The following SATL1 variants were observed in gnomAD, a reference collection of about 807,000 sequenced individuals.
SATL1 encodes spermidine/spermine N(1)-acetyltransferase-like protein 1.
Under a neutral mutation model 51.8 loss-of-function variants are expected in SATL1, and 47 were observed. That is an observed-to-expected ratio of 0.91 (90% CI 0.72 to 1.16). The LOEUF (loss-of-function observed/expected upper bound fraction) is 1.16. Among genes scored for constraint, SATL1 ranks in the 50% most tolerant of loss-of-function variants. SATL1 has a pLI of 0.00. For synonymous variants in SATL1, 176 were observed against 182.4 expected (o/e 0.97, Z 0.28); for missense variants, 520 against 526.4 (o/e 0.99, Z 0.12).
At chrX:85,210,126 C>T (rs1439606618) in intron 2 of SATL1, 3 of 105,993 alleles carry the variant, frequency 2.8e-5, no homozygotes, top group African/African-American at 1.0e-4. Context: ...TCCAGAGAAA[C>T]CTGCCTTCAC....
chrX:85,171,501 A>G (rs1190396244), intron 2 of SATL1, among the ~76,000 whole-genome samples: 1 of 111,713 alleles, frequency 9.0e-6, no homozygotes, highest in Non-Finnish European at 1.9e-5. Flanking sequence ...TCAAATTATG[A>G]TAAGAAAATC....
At chrX:85,135,899 A>G (rs1395231372) in intron 2 of SATL1, among the ~76,000 whole-genome samples, 1 of 110,256 alleles carries the variant, frequency 9.1e-6, no homozygotes, top group East Asian at 2.8e-4. Flanking sequence ...AAATCTAATG[A>G]AAAAAGGAAA....
chrX:85,123,253 A>G (rs1925545918), intron 2 of SATL1, among the ~76,000 whole-genome samples: 1 of 111,759 alleles, frequency 8.9e-6, no homozygotes, highest in African/African-American at 3.2e-5. Context: ...TGCTTTCTAC[A>G]GTGGCTAAGC....
intron 2 of SATL1, among the ~76,000 whole-genome samples, chrX:85,168,476 A>ACCAAAAACGGTCAAGCTGAGAG (rs1926895598): frequency 9.0e-6 from 1 of 111,489 alleles, no homozygotes; most frequent in Admixed American, 9.6e-5. Flanking sequence ...ATTCCTATAC[A>ACCAAAAACGGTCAAGCTGAGAG]CCAAAAACGG....
At position 85,096,641 on chromosome X, in the gene SATL1, G is replaced by A. The variant is rs184032979; in HGVS notation, c.1694-1645C>T. ...AACCAAAGACACAGAATCTTACACA[G>A]CAAGAGAAGCAATTTGTCATATATG... On this transcript the variant is annotated intron_variant, in intron 4 of 7. Coordinates refer to ENST00000644105, the MANE Select transcript of SATL1 (RefSeq NM_001367857.2). Among the ~76,000 whole-genome samples, 26 of 111,058 alleles carry A rather than the reference G, an allele frequency of 2.3e-4. No individual in the cohort carries two copies. In the East Asian group the frequency reaches 5.9e-3, roughly 25 times the overall value.
At position 85,107,466 on chromosome X, in the gene SATL1, C is replaced by T; in HGVS notation, c.1503G>A (p.Leu501=). Residue 501 remains leucine (L), a synonymous_variant, in exon 3 of 8, where the codon CTG becomes CTA. Transcript: ENST00000644105. ...CTGGTTGACTCAGGCCTGGTTGGCT[C>T]AGCACTAATTGGTTCAGGTCTTGTT... ...LSQQDLNQLV[L]SQPGLSQPGR... 1 of 1,212,225 alleles carries T rather than the reference C, an allele frequency of 8.2e-7. No homozygotes were observed. The highest frequency in any genetic ancestry group is 3.0e-5 in the East Asian group (1 of 33,849).
intron 2 of SATL1, among the ~76,000 whole-genome samples, chrX:85,151,604 G>A (rs773889002): frequency 4.3e-4 from 48 of 111,275 alleles, no homozygotes; most frequent in African/African-American, 9.2e-4. Context: ...GCATGGTACC[G>A]GTACCAAAAC....
At chrX:85,146,659 T>C (rs1307943501) in intron 2 of SATL1, among the ~76,000 whole-genome samples, 2 of 112,137 alleles carry the variant, frequency 1.8e-5, no homozygotes, top group Admixed American at 9.4e-5. Context: ...TAGGAGTACC[T>C]TACTTAGGAT....
chrX:85,209,922 T>C (rs901488592), intron 2 of SATL1: 7 of 110,241 alleles, frequency 6.3e-5, no homozygotes, highest in Non-Finnish European at 1.9e-5. Flanking sequence ...TTAATTGTAA[T>C]GTCAGGGTGT....
chrX:85,214,801 A>G (rs73627332), intron 2 of SATL1, among the ~76,000 whole-genome samples: 2,145 of 111,866 alleles, frequency 0.019, 48 homozygotes, highest in African/African-American at 0.066. Flanking sequence ...AAAACCCAGC[A>G]GAGCAGACAT....
Position 85,130,360 on chromosome X carries a change from CT to C in SATL1, c.-312-21081del, listed in dbSNP as rs754750160. On this transcript the variant is annotated intron_variant, in intron 2 of 7. Coordinates refer to ENST00000644105, the MANE Select transcript of SATL1 (RefSeq NM_001367857.2). ...GTCTATTCAGAGATTCACCTTCTTC[CT>C]GGTTTAGTCTTGGGAGAGTGTATGT... Among the ~76,000 whole-genome samples, 174 of 111,484 alleles carry C rather than the reference CT, an allele frequency of 1.6e-3. 1 individual carries two copies. Among genetic ancestry groups the C allele is most frequent in the African/African-American group, 5.1e-3 (155 of 30,662 alleles).
intron 4 of SATL1, among the ~76,000 whole-genome samples, chrX:85,100,818 C>T (rs754873623): frequency 3.9e-4 from 44 of 111,727 alleles, no homozygotes; most frequent in African/African-American, 1.4e-3. Context: ...TAGAAAGCTA[C>T]AGCAGTTAAT....
intron 2 of SATL1, among the ~76,000 whole-genome samples, chrX:85,169,304 C>A (rs951912320): frequency 2.7e-5 from 3 of 110,897 alleles, no homozygotes; most frequent in Non-Finnish European, 5.7e-5. Context: ...TTCTGCACAG[C>A]AAAAGAAACT....
chrX:85,130,535 C>A (rs1400632529), intron 2 of SATL1, among the ~76,000 whole-genome samples: 3 of 111,184 alleles, frequency 2.7e-5, no homozygotes, highest in African/African-American at 9.8e-5. Context: ...ATTCTTCTCC[C>A]TTTTATTCTT....
rs1411121363 is a variant in SATL1 at position 85,188,764 on chromosome X, A to G, written c.-313+35441T>C. ...TTGCAAATTTCTTAACAATCAGGAT[A>G]CATTCATCTTGATATTTCTTCATAC... On this transcript the variant is annotated intron_variant, in intron 2 of 7. Coordinates refer to ENST00000644105, the MANE Select transcript of SATL1 (RefSeq NM_001367857.2). Among the ~76,000 whole-genome samples, 8 of 112,484 alleles carry G rather than the reference A, an allele frequency of 7.1e-5. No individual in the cohort carries two copies. In the Admixed American group the frequency reaches 7.6e-4, roughly 11 times the overall value.
intron 2 of SATL1, among the ~76,000 whole-genome samples, chrX:85,113,244 C>T (rs765998682): frequency 2.5e-4 from 28 of 110,967 alleles, no homozygotes; most frequent in Non-Finnish European, 4.2e-4. Context: ...TCATTTGGAG[C>T]GTGATGGCGT....
chrX:85,241,976 G>T (rs890409614), intron 1 of SATL1, among the ~76,000 whole-genome samples: 1 of 111,964 alleles, frequency 8.9e-6, no homozygotes, highest in Non-Finnish European at 1.9e-5. Context: ...GAACTAGTTA[G>T]CAAGGGGTTG....
intron 2 of SATL1, among the ~76,000 whole-genome samples, chrX:85,135,762 T>TTTTTTTTTTTTTTTTTTTTTTTTTTTG (rs1236488144): frequency 9.2e-6 from 1 of 108,261 alleles, no homozygotes; most frequent in African/African-American, 3.4e-5. Flanking sequence ...GTACTTTTCA[T>TTTTTTTTTTTTTTTTTTTTTTTTTTTG]AGAGATGGGG....
At chrX:85,139,442 A>T (rs1413084229) in intron 2 of SATL1, among the ~76,000 whole-genome samples, 1 of 111,535 alleles carries the variant, frequency 9.0e-6, no homozygotes, top group Non-Finnish European at 1.9e-5. Flanking sequence ...CATTTTACAG[A>T]TGGAGAAACT....
Sources: allele counts gnomAD v4.1 joint callset (sites outside exome capture counted in the v4.1 genomes callset), GRCh38; gene constraint gnomAD v4.1.1; transcripts MANE v1.5; gene names NCBI Gene and HGNC (gene_info 2026-07-23, HGNC 2026-07-21).